ABLIM1: variants seen among roughly 807,000 people sequenced by gnomAD.
The protein encoded by ABLIM1 is actin-binding LIM protein 1.
Under a neutral mutation model 107.0 loss-of-function variants are expected in ABLIM1, and 40 were observed. That is an observed-to-expected ratio of 0.37 (90% CI 0.29 to 0.49). The LOEUF is 0.49. Ranked by LOEUF, ABLIM1 falls within the 20% of genes least tolerant of loss-of-function variation. The probability of loss-of-function intolerance (pLI) is 0.97; values close to 1 mark genes in which losing one functional copy is unlikely to be tolerated. For synonymous variants in ABLIM1, 357 were observed against 357.3 expected (o/e 1.00, Z 0.01); for missense variants, 857 against 1,008.5 (o/e 0.85, Z 2.04).
At chr10:114,728,683 C>T (rs1247842613) in intron 1 of ABLIM1, among the ~76,000 whole-genome samples, 2 of 151,510 alleles carry the variant, frequency 1.3e-5, no homozygotes, top group East Asian at 3.9e-4. Flanking sequence ...GTGTATTGTT[C>T]GTCTACATAT....
At chr10:114,460,867 A>G (rs1364503282) in intron 12 of ABLIM1, among the ~76,000 whole-genome samples, 2 of 152,178 alleles carry the variant, frequency 1.3e-5, no homozygotes, top group African/African-American at 4.8e-5. Flanking sequence ...TTAGTCATTG[A>G]CCATTTATGG....
intron 1 of ABLIM1, among the ~76,000 whole-genome samples, chr10:114,734,783 G>C (rs1476262426): frequency 6.6e-6 from 1 of 152,156 alleles, no homozygotes; most frequent in Non-Finnish European, 1.5e-5. Flanking sequence ...GTTTCCTGAG[G>C]GTTGGGTTTC....
intron 11 of ABLIM1, among the ~76,000 whole-genome samples, chr10:114,467,665 T>A (rs994042080): frequency 2.6e-4 from 40 of 152,222 alleles, no homozygotes; most frequent in Admixed American, 2.4e-3. Context: ...GAAAATATTA[T>A]GGTATTTTTA....
chr10:114,690,979 G>A (rs185176427), intron 1 of ABLIM1, among the ~76,000 whole-genome samples: 7 of 152,322 alleles, frequency 4.6e-5, no homozygotes, highest in Middle Eastern at 3.4e-3. Context: ...ACCTCGCCAG[G>A]CCCTGGCTAA....
At chr10:114,666,045 G>A (rs956963035) in intron 1 of ABLIM1, among the ~76,000 whole-genome samples, 9 of 152,180 alleles carry the variant, frequency 5.9e-5, no homozygotes, top group Non-Finnish European at 7.3e-5. Flanking sequence ...TTCCCATAGC[G>A]TGGGCAAATC....
At chr10:114,574,472 C>G (rs756389229) in intron 3 of ABLIM1, among the ~76,000 whole-genome samples, 1 of 151,798 alleles carries the variant, frequency 6.6e-6, no homozygotes, top group Non-Finnish European at 1.5e-5. Flanking sequence ...TGGAGTCTTG[C>G]TGTGTCACCC....
At chr10:114,694,976 G>C in intron 1 of ABLIM1, among the ~76,000 whole-genome samples, 1 of 152,162 alleles carries the variant, frequency 6.6e-6, no homozygotes, top group Non-Finnish European at 1.5e-5. Context: ...GGACTCTCCA[G>C]GTACTGAATC....
At chr10:114,767,616 T>A (rs868850116) in intron 1 of ABLIM1, among the ~76,000 whole-genome samples, 386 of 50,622 alleles carry the variant, frequency 7.6e-3, no homozygotes, top group Non-Finnish European at 0.017. Flanking sequence ...GGAATTTACT[T>A]TTTTTTTTTT....
intron 1 of ABLIM1, among the ~76,000 whole-genome samples, chr10:114,607,937 G>A (rs935963028): frequency 3.3e-5 from 5 of 152,152 alleles, no homozygotes; most frequent in Admixed American, 2.0e-4. Flanking sequence ...GTGCCAATAC[G>A]GTCCAGTAAT....
At chr10:114,685,018 A>G (rs1341628705), upstream of ABLIM1, 1 of 152,382 alleles carries the variant, frequency 6.6e-6, no homozygotes, top group East Asian at 1.9e-4. Flanking sequence ...CGAGCCGTGG[A>G]CTTTGAGCCT....
chr10:114,504,786 A>G (rs554241631), intron 6 of ABLIM1, among the ~76,000 whole-genome samples: 3 of 152,186 alleles, frequency 2.0e-5, no homozygotes, highest in Admixed American at 1.3e-4. Flanking sequence ...ATATGCCCCA[A>G]TGCTATGTAC....
At chr10:114,787,066 C>A in the ABLIM1 span, among the ~76,000 whole-genome samples, 1 of 151,950 alleles carries the variant, frequency 6.6e-6, no homozygotes, top group Admixed American at 6.6e-5. Context: ...CTCTTCCCTG[C>A]CGCCATCCCA....
intron 1 of ABLIM1, among the ~76,000 whole-genome samples, chr10:114,669,757 A>T (rs2080172597): frequency 6.6e-6 from 1 of 152,142 alleles, no homozygotes. Context: ...TGGGTGGTAG[A>T]TATCTTCAAT....
intron 3 of ABLIM1, 33 bp from the exon 4 acceptor site, chr10:114,571,439 T>C (rs371527300): frequency 2.5e-5 from 39 of 1,591,598 alleles, no homozygotes; most frequent in Non-Finnish European, 3.1e-5. Flanking sequence ...CTCAAGGTTA[T>C]TGCAGCAATT....
intron 1 of ABLIM1, among the ~76,000 whole-genome samples, chr10:114,735,762 C>T (rs2082167154): frequency 6.6e-6 from 1 of 152,210 alleles, no homozygotes; most frequent in Non-Finnish European, 1.5e-5. Context: ...GCCACCATGC[C>T]CGGCCAATGT....
At chr10:114,790,431 T>C in the ABLIM1 span, among the ~76,000 whole-genome samples, 1 of 152,178 alleles carries the variant, frequency 6.6e-6, no homozygotes, top group Non-Finnish European at 1.5e-5. Flanking sequence ...TGTGTTCTTG[T>C]TTAAATGTCA....
intron 1 of ABLIM1, among the ~76,000 whole-genome samples, chr10:114,745,819 G>T (rs572580601): frequency 6.6e-6 from 1 of 152,034 alleles, no homozygotes; most frequent in Non-Finnish European, 1.5e-5. Context: ...CCAGCCTGGG[G>T]AACAAGAGCA....
At chr10:114,640,483 C>T (rs1425105663) in intron 1 of ABLIM1, among the ~76,000 whole-genome samples, 3 of 152,080 alleles carry the variant, frequency 2.0e-5, no homozygotes, top group Non-Finnish European at 4.4e-5. Context: ...GCCGAGATCG[C>T]GCCACTGCAC....
chr10:114,801,367 G>A, the ABLIM1 span, among the ~76,000 whole-genome samples: 5 of 152,206 alleles, frequency 3.3e-5, no homozygotes, highest in Non-Finnish European at 1.5e-5. Flanking sequence ...AGTACGCGGA[G>A]GAAGAGAAGG....
Sources: gnomAD v4.1 joint callset for allele counts (sites outside exome capture counted in the v4.1 genomes callset) on GRCh38, gnomAD v4.1.1 for gene constraint, MANE v1.5 for transcripts, NCBI Gene and HGNC (gene_info 2026-07-23, HGNC 2026-07-21) for gene names.